TRIM24: variants seen among roughly 807,000 people sequenced by gnomAD.
TRIM24 encodes transcription intermediary factor 1-alpha.
In TRIM24, 29 loss-of-function variants were observed where a neutral mutation model predicts 123.9. That is an observed-to-expected ratio of 0.23 (90% confidence interval 0.17 to 0.32). The LOEUF (loss-of-function observed/expected upper bound fraction) is 0.32, where lower values mean the gene tolerates loss of function less well. Ranked by LOEUF, TRIM24 falls within the 10% of genes least tolerant of loss-of-function variation. The pLI, the probability that TRIM24 is intolerant of heterozygous loss-of-function variation, is 1.00. For synonymous variants in TRIM24, 456 were observed against 461.1 expected (o/e 0.99, Z 0.14); for missense variants, 932 against 1,295.3 (o/e 0.72, Z 4.31).
intron 2 of TRIM24, among the ~76,000 whole-genome samples, chr7:138,506,379 T>C (rs577116974): frequency 6.6e-6 from 1 of 152,328 alleles, no homozygotes; most frequent in Admixed American, 6.5e-5. Flanking sequence ...GTTTCTGTCT[T>C]CCATTGCATC....
intron 1 of TRIM24, among the ~76,000 whole-genome samples, chr7:138,499,089 TA>T (rs1420694716): frequency 6.6e-6 from 1 of 152,210 alleles, no homozygotes; most frequent in African/African-American, 2.4e-5. Context: ...TCTTTTTTTT[TA>T]ATTTTTTTTT....
chr7:138,581,738 G>A lies in TRIM24; in HGVS notation c.2760G>A (p.Met920Ile), dbSNP rs1797899661. Reference sequence around the variant, plus strand: ...TTTTATTTCTTTACTGCCATGAAATGAGCCTGGCTTTTCAAGACCCTGTTC... The same window carrying A: ...TTTTATTTCTTTACTGCCATGAAATAAGCCTGGCTTTTCAAGACCCTGTTC... ...RLLLFLYCHE[M>I]SLAFQDPVPL... Residue 920 changes from methionine (M) to isoleucine (I), a missense_variant, in exon 17 of 19, where the codon ATG (methionine) becomes ATA (isoleucine). Transcript: ENST00000343526. The A allele has an allele frequency of 8.7e-6, 14 of 1,613,390 alleles. No individual in the cohort carries two copies. The highest frequency in any genetic ancestry group is 1.2e-5 in the Non-Finnish European group (14 of 1,179,710).
intron 10 of TRIM24, 146 bp from the exon 11 acceptor site, chr7:138,570,684 T>A: frequency 1.7e-6 from 1 of 575,152 alleles, no homozygotes; most frequent in Non-Finnish European, 2.8e-6. Context: ...AAATTATATA[T>A]ACTTGTGCAG....
chr7:138,570,880 C>T lies in TRIM24; in HGVS notation c.1755C>T (p.Ser585=), dbSNP rs1178723963. 1 of 1,614,140 alleles carries T rather than the reference C, an allele frequency of 6.2e-7. No homozygotes were observed. The highest frequency in any genetic ancestry group is 1.7e-5 in the Admixed American group (1 of 60,012). Residue 585 remains serine, a synonymous_variant, in exon 11 of 19, where the codon TCC becomes TCT. Coordinates refer to ENST00000343526, the MANE Select transcript of TRIM24 (RefSeq NM_015905.3). Reference sequence around the variant, plus strand: ...CCCCATCAACTACCAACAGCACATCCTCTACTCCTTCCAGCCCCACGATTA... The same window carrying T: ...CCCCATCAACTACCAACAGCACATCTTCTACTCCTTCCAGCCCCACGATTA... ...QGTPSTTNST[S]STPSSPTITS... is the part of the protein sequence containing the mutation.
At chr7:138,512,184 T>A (rs1584710660) in intron 2 of TRIM24, among the ~76,000 whole-genome samples, 1 of 152,220 alleles carries the variant, frequency 6.6e-6, no homozygotes, top group Non-Finnish European at 1.5e-5. Flanking sequence ...CCTACCCCTG[T>A]GGCTTTGCAG....
chr7:138,504,432 T>TTTTGCC (rs1563036643), intron 2 of TRIM24, 24 bp downstream of exon 2: 1 of 1,149,286 alleles, frequency 8.7e-7, no homozygotes, highest in Non-Finnish European at 1.2e-6. Context: ...ATCTTGAACC[T>TTTTGCC]TTTGCCTGCC....
chr7:138,478,305 A>C (rs1374568396), intron 1 of TRIM24, among the ~76,000 whole-genome samples: 2 of 152,172 alleles, frequency 1.3e-5, no homozygotes, highest in Non-Finnish European at 2.9e-5. Flanking sequence ...TAGTATAATT[A>C]AAGGAAACTG....
chr7:138,580,534 A>AAT, intron 15 of TRIM24, 28 bp from the exon 16 acceptor site: 1 of 1,595,988 alleles, frequency 6.3e-7, no homozygotes, highest in Non-Finnish European at 8.5e-7. Context: ...ATGCATTAGG[A>AAT]ATTCAAAAGT....
At chr7:138,576,311 A>C in intron 12 of TRIM24, 62 bp from the exon 13 acceptor site, 4 of 1,471,292 alleles carry the variant, frequency 2.7e-6, no homozygotes, top group Non-Finnish European at 3.8e-6. Context: ...GAACACATTC[A>C]ACAGGACTTC....
In TRIM24 at chr7:138,460,439, G is replaced by T. The variant is rs1794931841; in HGVS notation, c.-110G>T. The T allele has an allele frequency of 8.8e-7, 1 of 1,142,744 alleles. No individual in the cohort carries two copies. Among genetic ancestry groups the T allele is most frequent in the African/African-American group, 1.6e-5 (1 of 62,342 alleles). The allele number at this position is 1,142,744 out of a possible 1,614,324, so 70.8% of individuals were successfully genotyped here. A position where few individuals can be genotyped will look rare whatever the true frequency, so the allele number is the denominator to read the frequency against. On this transcript the variant is annotated 5_prime_UTR_variant, in exon 1 of 19. Transcript: ENST00000343526. ...TTCCCTCCCTCGCTGGCGCTGCCGC[G>T]AGTCCACCGAGCGGCCTCTGAGGAG...
intron 4 of TRIM24, among the ~76,000 whole-genome samples, chr7:138,524,189 T>G (rs2116574634): frequency 6.6e-6 from 1 of 152,290 alleles, no homozygotes; most frequent in South Asian, 2.1e-4. Context: ...ACATTCATGA[T>G]ACAACATCTT....
At chr7:138,490,682 C>A in intron 1 of TRIM24, 1 of 412,966 alleles carries the variant, frequency 2.4e-6, no homozygotes, top group East Asian at 6.4e-5. Context: ...TGTGAAGCTC[C>A]ATGAGTTTTT....
intron 7 of TRIM24, among the ~76,000 whole-genome samples, chr7:138,543,938 G>A (rs1198333801): frequency 1.3e-5 from 2 of 152,058 alleles, no homozygotes; most frequent in Non-Finnish European, 2.9e-5. Context: ...AGGCTCAAGC[G>A]AGCCTTTTGC....
chr7:138,524,211 A>C (rs1182889678), intron 4 of TRIM24, among the ~76,000 whole-genome samples: 1 of 152,198 alleles, frequency 6.6e-6, no homozygotes, highest in Non-Finnish European at 1.5e-5. Flanking sequence ...GCAAACTAGA[A>C]ATAAAAAAGA....
At chr7:138,468,192 G>A (rs929904628) in intron 1 of TRIM24, among the ~76,000 whole-genome samples, 1 of 152,120 alleles carries the variant, frequency 6.6e-6, no homozygotes, top group Non-Finnish European at 1.5e-5. Context: ...AATATGCTGA[G>A]AATTTTTATT....
intron 9 of TRIM24, among the ~76,000 whole-genome samples, chr7:138,565,397 G>A (rs1443742491): frequency 6.6e-6 from 1 of 151,250 alleles, no homozygotes; most frequent in Non-Finnish European, 1.5e-5. Flanking sequence ...CCACAATCCT[G>A]TAGTGCACTG....
At chr7:138,543,046 T>C (rs999947510) in intron 7 of TRIM24, among the ~76,000 whole-genome samples, 3 of 152,206 alleles carry the variant, frequency 2.0e-5, no homozygotes, top group Non-Finnish European at 4.4e-5. Context: ...TAATCCATCA[T>C]GAGTATGTAT....
At position 138,542,285 on chromosome 7, in the gene TRIM24, G is replaced by C. The variant is rs568819883; in HGVS notation, c.1143+3482G>C. On this transcript the variant is annotated intron_variant, in intron 7 of 18. Transcript: ENST00000343526. ...CATTTCTAACTTTTGATTAGTGAGA[G>C]TCATGCAACTCTTCCTTTCACTTGA... Among the ~76,000 whole-genome samples the C allele has an allele frequency of 1.3e-4, 20 of 152,310 alleles. No homozygotes were observed. In the South Asian group the frequency reaches 3.9e-3, roughly 30 times the overall value.
At chr7:138,501,456 C>T (rs1232291672) in intron 1 of TRIM24, among the ~76,000 whole-genome samples, 1 of 152,142 alleles carries the variant, frequency 6.6e-6, no homozygotes, top group South Asian at 2.1e-4. Context: ...GTCTTGAACT[C>T]CTGACCTCAA....
Sources: gnomAD v4.1 joint callset for allele counts (sites outside exome capture counted in the v4.1 genomes callset) on GRCh38, gnomAD v4.1.1 for gene constraint, MANE v1.5 for transcripts, NCBI Gene and HGNC (gene_info 2026-07-23, HGNC 2026-07-21) for gene names.